Variants in PPARGC1A observed in about 807,000 individuals in gnomAD.
PPARGC1A encodes PPARG coactivator 1 alpha, also known as peroxisome proliferator-activated receptor gamma coactivator 1-alpha.
A neutral mutation model predicts 88.7 loss-of-function variants in PPARGC1A; 25 were observed. That is an observed-to-expected ratio of 0.28 (90% CI 0.21 to 0.39). The LOEUF is 0.39. Among genes scored for constraint, PPARGC1A ranks in the 10% least tolerant of loss-of-function variants. The pLI, the probability that PPARGC1A is intolerant of heterozygous loss-of-function variation, is 1.00. For synonymous variants in PPARGC1A, 363 were observed against 355.6 expected (o/e 1.02, Z -0.24); for missense variants, 880 against 968.7 (o/e 0.91, Z 1.22).
chr4:24,468,068 A>G, the PPARGC1A span, among the ~76,000 whole-genome samples: 18 of 152,270 alleles, frequency 1.2e-4, no homozygotes, highest in African/African-American at 4.3e-4. Context: ...TTCACTTTCA[A>G]TTGATTGATT....
intron 7 of PPARGC1A, among the ~76,000 whole-genome samples, chr4:23,821,558 G>T (rs2109564113): frequency 6.6e-6 from 1 of 152,114 alleles, no homozygotes; most frequent in East Asian, 1.9e-4. Context: ...GGCAATAAAA[G>T]GGAAGAGGTG....
chr4:24,414,539 T>A, the PPARGC1A span, among the ~76,000 whole-genome samples: 1 of 152,164 alleles, frequency 6.6e-6, no homozygotes. Context: ...ATCACCCTAG[T>A]TCAGTGGTCC....
chr4:24,109,036 C>CCACACACACACACACCA, the PPARGC1A span, among the ~76,000 whole-genome samples: 1 of 128,626 alleles, frequency 7.8e-6, no homozygotes, highest in African/African-American at 3.5e-5. Context: ...CACACACACA[C>CCACACACACACACACCA]CACACACACA....
the PPARGC1A span, among the ~76,000 whole-genome samples, chr4:24,002,097 C>CACACACACACACACAG: frequency 8.0e-6 from 1 of 125,324 alleles, no homozygotes; most frequent in African/African-American, 3.3e-5. Context: ...CACACACACA[C>CACACACACACACACAG]AGAGAGAGAG....
the PPARGC1A span, among the ~76,000 whole-genome samples, chr4:24,271,112 T>C: frequency 6.6e-6 from 1 of 152,206 alleles, no homozygotes; most frequent in Admixed American, 6.5e-5. Flanking sequence ...TATAAGATGG[T>C]GATTTGTTCT....
the PPARGC1A span, among the ~76,000 whole-genome samples, chr4:24,339,229 T>TTTGCTGGGGA: frequency 1.0e-5 from 1 of 100,054 alleles, no homozygotes; most frequent in Non-Finnish European, 2.2e-5. Flanking sequence ...TATATATATA[T>TTTGCTGGGGA]ATATATATAC....
At chr4:24,106,776 C>T in the PPARGC1A span, among the ~76,000 whole-genome samples, 2 of 152,198 alleles carry the variant, frequency 1.3e-5, no homozygotes, top group African/African-American at 4.8e-5. Flanking sequence ...TAAAGCAAAG[C>T]CAAGGGCATC....
chr4:23,897,294 G>A (rs1718709225), intron 1 of PPARGC1A, among the ~76,000 whole-genome samples: 1 of 152,166 alleles, frequency 6.6e-6, no homozygotes, highest in South Asian at 2.1e-4. Context: ...GTGAGTACTG[G>A]AGACTCAAGT....
chr4:24,095,798 G>C, the PPARGC1A span, among the ~76,000 whole-genome samples: 1 of 152,178 alleles, frequency 6.6e-6, no homozygotes, highest in Non-Finnish European at 1.5e-5. Flanking sequence ...TGGAGGGTAG[G>C]AATGCTGTGT....
intron 2 of PPARGC1A, among the ~76,000 whole-genome samples, chr4:23,833,974 G>C (rs983501586): frequency 6.6e-6 from 1 of 152,048 alleles, no homozygotes; most frequent in Non-Finnish European, 1.5e-5. Flanking sequence ...AGGCCAGCCT[G>C]GCCAATGTGG....
chr4:24,010,208 C>T, the PPARGC1A span, among the ~76,000 whole-genome samples: 5 of 152,114 alleles, frequency 3.3e-5, no homozygotes, highest in Admixed American at 6.5e-5. Context: ...TTAATATAAT[C>T]ATAATCTCTA....
At chr4:23,848,168 A>G (rs1728646974) in intron 2 of PPARGC1A, among the ~76,000 whole-genome samples, 1 of 152,238 alleles carries the variant, frequency 6.6e-6, no homozygotes, top group South Asian at 2.1e-4. Context: ...GCAGCATTAT[A>G]TAAAAATGTA....
the PPARGC1A span, among the ~76,000 whole-genome samples, chr4:23,942,781 TA>T: frequency 6.6e-6 from 1 of 152,176 alleles, no homozygotes; most frequent in African/African-American, 2.4e-5. Flanking sequence ...AATATTTACA[TA>T]AACAATTTCT....
rs367706767 is a variant in PPARGC1A, at chr4:23,826,746, G to C, written c.757+1654C>G. On this transcript the variant is annotated intron_variant, in intron 5 of 12. Coordinates refer to ENST00000264867, the MANE Select transcript of PPARGC1A (RefSeq NM_013261.5). The stretch of plus-strand genomic sequence containing the variant: ...TTGTCAACAGGTTTTGTTCTGGGGT[G>C]AGCGTTTTGTACCTTGCCACAGATA... Among the ~76,000 whole-genome samples, 4 of 152,176 alleles carry C rather than the reference G, an allele frequency of 2.6e-5. No homozygotes were observed. In the South Asian group the frequency reaches 8.3e-4, roughly 32 times the overall value.
chr4:23,917,935 T>C, the PPARGC1A span, among the ~76,000 whole-genome samples: 113 of 152,340 alleles, frequency 7.4e-4, no homozygotes, highest in South Asian at 2.9e-3. Context: ...AGAGCAAATG[T>C]GCATGGCAGG....
upstream of PPARGC1A, among the ~76,000 whole-genome samples, chr4:23,902,561 TAG>T (rs1411606354): frequency 6.6e-6 from 1 of 152,140 alleles, no homozygotes; most frequent in Non-Finnish European, 1.5e-5. Flanking sequence ...GCAAAACATA[TAG>T]AGAGTAATAA....
At chr4:24,229,236 C>G in the PPARGC1A span, among the ~76,000 whole-genome samples, 1 of 144,646 alleles carries the variant, frequency 6.9e-6, no homozygotes, top group Admixed American at 7.1e-5. Context: ...TCACTGAAAC[C>G]TCCACCTCCC....
the PPARGC1A span, among the ~76,000 whole-genome samples, chr4:24,044,688 C>A: frequency 6.6e-6 from 1 of 152,154 alleles, no homozygotes; most frequent in Admixed American, 6.5e-5. Flanking sequence ...GCACTGGGTG[C>A]ATCTCAAAAT....
chr4:24,118,405 G>A, the PPARGC1A span, among the ~76,000 whole-genome samples: 1 of 152,096 alleles, frequency 6.6e-6, no homozygotes, highest in Non-Finnish European at 1.5e-5. Context: ...ATCTCCTTGT[G>A]GAGTTTTCCT....
Sources: allele counts gnomAD v4.1 joint callset (sites outside exome capture counted in the v4.1 genomes callset), GRCh38; gene constraint gnomAD v4.1.1; transcripts MANE v1.5; gene names NCBI Gene and HGNC (gene_info 2026-07-23, HGNC 2026-07-21).